The following PCDHGA8 variants were observed in gnomAD, a reference collection of about 807,000 sequenced individuals.
The protein encoded by PCDHGA8 is protocadherin gamma-A8.
A neutral mutation model predicts 59.2 loss-of-function variants in PCDHGA8; 45 were observed. The ratio of observed to expected loss-of-function variants is 0.76; its 90% confidence interval spans 0.60 to 0.98. The LOEUF is 0.98. Ranked by LOEUF, PCDHGA8 falls within the 50% of genes least tolerant of loss-of-function variation. The probability of loss-of-function intolerance (pLI) is 0.00; values close to 1 mark genes in which losing one functional copy is unlikely to be tolerated. For synonymous variants in PCDHGA8, 531 were observed against 519.0 expected, an observed-to-expected ratio of 1.02 and a Z score of -0.32; for missense variants, 1,257 against 1,196.2, an observed-to-expected ratio of 1.05 and a Z score of -0.75.
At chr5:141,409,995 C>A (rs777416137) in intron 1 of PCDHGA8, 2 of 1,613,308 alleles carry the variant, frequency 1.2e-6, no homozygotes, top group Admixed American at 3.3e-5. Flanking sequence ...GACGCCGACT[C>A]GGGACACAAC....
Position 141,476,698 on chromosome 5 carries a change from G to T in PCDHGA8, c.2425-18109G>T. The T allele has an allele frequency of 4.3e-6, 7 of 1,614,056 alleles. No homozygotes were observed. Among genetic ancestry groups the T allele is most frequent in the Non-Finnish European group, 5.9e-6 (7 of 1,179,986 alleles). ...CGCGGGAGGACAGCACCAAGTACGC[G>T]GAGCTGGTGTTGGAGCGCGCCCTGG... On this transcript the variant is annotated intron_variant, in intron 1 of 3. Coordinates refer to ENST00000398604, the MANE Select transcript of PCDHGA8 (RefSeq NM_032088.2). The surrounding 1 kb of genome is among the most constrained non-coding windows in gnomAD (Gnocchi z 7.6).
At chr5:141,420,094 G>A in intron 1 of PCDHGA8, 7 of 1,614,058 alleles carry the variant, frequency 4.3e-6, no homozygotes, top group Non-Finnish European at 5.9e-6. Flanking sequence ...ACTACAGTGA[G>A]GGAACGTTGC....
chr5:141,493,784 T>A lies in PCDHGA8; in HGVS notation c.2425-1023T>A, dbSNP rs1368708028. ...AGCCACTGGCAGTTCCGGAGCTTCC[T>A]TCTCCCTGGAGTAATCTGAGATACT... On this transcript the variant is annotated intron_variant, in intron 1 of 3. Coordinates refer to ENST00000398604, the MANE Select transcript of PCDHGA8 (RefSeq NM_032088.2). This position sits in a 1 kb window ranked among gnomAD's most constrained non-coding sequence, Gnocchi z 4.3. 1.3e-5 allele frequency among the ~76,000 whole-genome samples: 2 copies of A among 152,194 alleles called. No individual in the cohort carries two copies. Among genetic ancestry groups the A allele is most frequent in the Non-Finnish European group, 2.9e-5 (2 of 68,032 alleles).
chr5:141,510,834 G>T, intron 3 of PCDHGA8, 113 bp from the exon 4 acceptor site: 1 of 1,581,880 alleles, frequency 6.3e-7, no homozygotes. Flanking sequence ...AGTGCTCAGC[G>T]TGGTCAAGGC....
chr5:141,440,527 T>G (rs1282939317), intron 1 of PCDHGA8: 3 of 152,222 alleles, frequency 2.0e-5, no homozygotes, highest in African/African-American at 7.2e-5. Context: ...TGAAGAATCA[T>G]GCACCACGGT....
intron 2 of PCDHGA8, among the ~76,000 whole-genome samples, chr5:141,500,289 A>G (rs1440166636): frequency 6.6e-6 from 1 of 151,486 alleles, no homozygotes; most frequent in African/African-American, 2.4e-5. Flanking sequence ...GCTCACTGCA[A>G]GCTCCGCCTC....
In PCDHGA8 at chr5:141,431,913, T is replaced by C; in HGVS notation, c.2424+36676T>C. The C allele has an allele frequency of 6.2e-7, 1 of 1,614,140 alleles. No individual in the cohort carries two copies. Among genetic ancestry groups the C allele is most frequent in the Admixed American group, 1.7e-5 (1 of 60,034 alleles). On this transcript the variant is annotated intron_variant, in intron 1 of 3. Transcript: ENST00000398604. This position sits in a 1 kb window ranked among gnomAD's most constrained non-coding sequence, Gnocchi z 4.8. The stretch of plus-strand genomic sequence containing the variant: ...GAGGAAAACGGACAGGTGATCTGTT[T>C]CATCCAAGGAAATCTGCCCTTTAAA...
At position 141,491,692 on chromosome 5, in the gene PCDHGA8, C is replaced by T. The variant is rs749349869; in HGVS notation, c.2425-3115C>T. On this transcript the variant is annotated intron_variant, in intron 1 of 3. Coordinates refer to ENST00000398604, the MANE Select transcript of PCDHGA8 (RefSeq NM_032088.2). This position sits in a 1 kb window ranked among gnomAD's most constrained non-coding sequence, Gnocchi z 6.9. ...GTCCCGCTCTAATACGCTGCGGGAG[C>T]GGAGCCAGGTGAGGGGCTCGGCGCC... is the stretch of plus-strand genomic sequence containing the variant. 1 of 1,612,594 alleles carries T rather than the reference C, an allele frequency of 6.2e-7. No homozygotes were observed. The highest frequency in any genetic ancestry group is 8.5e-7 in the Non-Finnish European group (1 of 1,179,340).
chr5:141,457,429 C>G (rs73280316), intron 1 of PCDHGA8, among the ~76,000 whole-genome samples: 1,780 of 152,292 alleles, frequency 0.012, 30 homozygotes, highest in African/African-American at 0.04. Context: ...TTTTCCCCCC[C>G]ACCAAGCTGC....
intron 1 of PCDHGA8, chr5:141,403,605 G>A (rs2094432434): frequency 6.2e-7 from 1 of 1,613,690 alleles, no homozygotes; most frequent in Admixed American, 1.7e-5. Context: ...TCGGATGGCG[G>A]CGAGCCGCGT....
At chr5:141,402,019 C>A (rs1354499456) in intron 1 of PCDHGA8, among the ~76,000 whole-genome samples, 1 of 152,084 alleles carries the variant, frequency 6.6e-6, no homozygotes, top group Non-Finnish European at 1.5e-5. Flanking sequence ...GCATTTGAAT[C>A]ATTGAAACAC....
chr5:141,431,725 G>A lies in PCDHGA8; in HGVS notation c.2424+36488G>A. The A allele has an allele frequency of 6.2e-7, 1 of 1,614,230 alleles. No individual in the cohort carries two copies. Among genetic ancestry groups the A allele is most frequent in the Non-Finnish European group, 8.5e-7 (1 of 1,180,044 alleles). On this transcript the variant is annotated intron_variant, in intron 1 of 3. Coordinates refer to ENST00000398604, the MANE Select transcript of PCDHGA8 (RefSeq NM_032088.2). The surrounding 1 kb of genome is among the most constrained non-coding windows in gnomAD (Gnocchi z 4.8). Reference sequence around the variant, plus strand: ...TCTACCAGATGGAAGTGCAAGCAATGGATAATGCAGGATATTCTGCGCGAG... The same window carrying A: ...TCTACCAGATGGAAGTGCAAGCAATAGATAATGCAGGATATTCTGCGCGAG...
Position 141,393,192 on chromosome 5 carries a change from A to G in PCDHGA8, c.379A>G (p.Asn127Asp). The part of the protein sequence containing the change: ...FGVEIEIIDI[N>D]DNNPKFQVED... Reference sequence around the variant, plus strand: ...GGTAGAAATAGAAATAATTGATATTAACGATAATAACCCAAAATTCCAGGT... The same window carrying G: ...GGTAGAAATAGAAATAATTGATATTGACGATAATAACCCAAAATTCCAGGT... Residue 127 changes from asparagine to aspartate, a missense_variant, in exon 1 of 4, where the codon AAC (asparagine) becomes GAC (aspartate). Asn to Asp is a conservative substitution (Grantham distance 23). Transcript: ENST00000398604. 2 of 1,613,468 alleles carry G rather than the reference A, an allele frequency of 1.2e-6. No individual in the cohort carries two copies. The highest frequency in any genetic ancestry group is 1.7e-6 in the Non-Finnish European group (2 of 1,179,902).
At chr5:141,458,075 A>G (rs1301404730) in intron 1 of PCDHGA8, among the ~76,000 whole-genome samples, 2 of 152,234 alleles carry the variant, frequency 1.3e-5, no homozygotes, top group Non-Finnish European at 2.9e-5. Flanking sequence ...GAACAACTAT[A>G]TTGCCGTAAG....
rs542816387 is a variant in PCDHGA8, at chr5:141,394,624, T to G, written c.1811T>G (p.Leu604Arg). ...VDRDSGQNAWLSYRLLKASEP... is the reference protein window; with the variant it reads ...VDRDSGQNAWRSYRLLKASEP... ...AGAGACTCGGGCCAGAACGCCTGGC[T>G]GTCCTACCGCCTGCTCAAGGCCAGC... Residue 604 changes from leucine (L) to arginine (R), a missense_variant, in exon 1 of 4, where the codon CTG (leucine) becomes CGG (arginine). Leu to Arg is a moderately radical substitution (Grantham distance 102). Transcript: ENST00000398604. 2.5e-6 allele frequency: 4 copies of G among 1,613,110 alleles called. No individual in the cohort carries two copies. The South Asian group carries it at 3.3e-5, about 13-fold the overall frequency.
rs537196945 is a variant in PCDHGA8 at position 141,470,749 on chromosome 5, G to A, written c.2425-24058G>A. 3.9e-5 allele frequency among the ~76,000 whole-genome samples: 6 copies of A among 152,260 alleles called. No individual in the cohort carries two copies. The East Asian group carries it at 7.7e-4, about 20-fold the overall frequency. On this transcript the variant is annotated intron_variant, in intron 1 of 3. Coordinates refer to ENST00000398604, the MANE Select transcript of PCDHGA8 (RefSeq NM_032088.2). ...GTCTTGCTCTGTCGCCCTGGCTGGAGTGCAGTGGACTCACTACAGTCTTGA... is the reference window on the plus strand; with the variant it reads ...GTCTTGCTCTGTCGCCCTGGCTGGAATGCAGTGGACTCACTACAGTCTTGA...
chr5:141,483,007 C>G (rs938404755), intron 1 of PCDHGA8, among the ~76,000 whole-genome samples: 1 of 152,140 alleles, frequency 6.6e-6, no homozygotes, highest in South Asian at 2.1e-4. Flanking sequence ...ATTGCTTGAA[C>G]CCGGGAGGCA....
chr5:141,457,428 C>G (rs72790053), intron 1 of PCDHGA8, among the ~76,000 whole-genome samples: 1,866 of 152,262 alleles, frequency 0.012, 18 homozygotes, highest in Non-Finnish European at 0.017. Context: ...TTTTTCCCCC[C>G]CACCAAGCTG....
rs773763605 is a variant in PCDHGA8, at chr5:141,476,631, A to G, written c.2425-18176A>G. On this transcript the variant is annotated intron_variant, in intron 1 of 3. Transcript: ENST00000398604. The surrounding 1 kb of genome is among the most constrained non-coding windows in gnomAD (Gnocchi z 7.6). ...GTGGGAAGCAACTCTTTACAAACCT[A>G]TGAGCTGAGCCGAAATGAATACTTT... The G allele has an allele frequency of 2.5e-6, 4 of 1,614,224 alleles. No individual in the cohort carries two copies. Among genetic ancestry groups the G allele is most frequent in the Admixed American group, 1.7e-5 (1 of 60,032 alleles).
Sources: allele counts gnomAD v4.1 joint callset (sites outside exome capture counted in the v4.1 genomes callset), GRCh38; gene constraint gnomAD v4.1.1; non-coding constraint Gnocchi (gnomAD v3.1); transcripts MANE v1.5; gene names NCBI Gene and HGNC (gene_info 2026-07-23, HGNC 2026-07-21).